XPO5: variants seen among roughly 807,000 people sequenced by gnomAD.
XPO5 encodes the protein exportin-5.
A neutral mutation model predicts 160.6 loss-of-function variants in XPO5; 46 were observed. That is an observed-to-expected ratio of 0.29 (90% CI 0.23 to 0.37). The LOEUF (loss-of-function observed/expected upper bound fraction) is 0.37, where lower values mean the gene tolerates loss of function less well. XPO5 is among the 10% of genes least tolerant of loss of function. The probability of loss-of-function intolerance (pLI) is 1.00; values close to 1 mark genes in which losing one functional copy is unlikely to be tolerated. For missense variants in XPO5, 1,090 were observed against 1,463.9 expected, an observed-to-expected ratio of 0.74 and a Z score of 4.17; for synonymous variants, 537 against 519.3, an observed-to-expected ratio of 1.03 and a Z score of -0.46.
chr6:43,546,979 T>C (rs1213099528), intron 19 of XPO5, among the ~76,000 whole-genome samples: 2 of 152,158 alleles, frequency 1.3e-5, no homozygotes, highest in Non-Finnish European at 2.9e-5. Flanking sequence ...AAACTTCCCT[T>C]GCAGTAAGCT....
At chr6:43,562,432 A>G (rs1398666077) in intron 8 of XPO5, 86 bp from the exon 9 acceptor site, 4 of 1,008,526 alleles carry the variant, frequency 4.0e-6, no homozygotes, top group Non-Finnish European at 6.0e-6. Context: ...TCTCCAAGTC[A>G]TTTAGTTAGG....
At chr6:43,539,260 G>A (rs1042317891) in intron 20 of XPO5, 128 of 1,438,736 alleles carry the variant, frequency 8.9e-5, no homozygotes, top group Middle Eastern at 8.6e-4. Flanking sequence ...GGGTGGCGGT[G>A]GCCACCTCCT....
chr6:43,560,379 A>G, intron 10 of XPO5, 76 bp from the exon 11 acceptor site: 1 of 1,467,472 alleles, frequency 6.8e-7, no homozygotes, highest in South Asian at 1.3e-5. Flanking sequence ...GCAGTTATCA[A>G]CTACATTTTT....
In XPO5 at chr6:43,525,179, A is replaced by G. The variant is rs1399563508; in HGVS notation, c.3102T>C (p.Asn1034=). The change falls in exon 29 of 32, where the codon AAT becomes AAC. Residue 1034 remains asparagine (N), a synonymous_variant. Transcript: ENST00000265351. ...VCTALLITAF[N]SLAWKDTLSC... ...ACAGAGTATCTTTCCAGGCCAGGGA[A>G]TTGAAGGCTGTAATTAATAGCGCTG... 6.3e-7 allele frequency: 1 copy of G among 1,583,918 alleles called. No homozygotes were observed. The highest frequency in any genetic ancestry group is 1.2e-5 in the South Asian group (1 of 86,614).
At chr6:43,539,219 A>G (rs1053585721) in intron 20 of XPO5, 2 of 1,190,422 alleles carry the variant, frequency 1.7e-6, no homozygotes, top group African/African-American at 3.0e-5. Context: ...CACGGGGACA[A>G]TGGAGAGCTT....
chr6:43,573,268 C>A, intron 2 of XPO5: 1 of 574,542 alleles, frequency 1.7e-6, no homozygotes, highest in Non-Finnish European at 2.9e-6. Flanking sequence ...GTAATATGTA[C>A]CACACACTTT....
At chr6:43,538,680 C>T in intron 20 of XPO5, 1 of 413,600 alleles carries the variant, frequency 2.4e-6, no homozygotes, top group Non-Finnish European at 4.2e-6. Context: ...TGATTTAGGC[C>T]TATAATTTTC....
At chr6:43,530,944 TATTTACTTAAGAG>T (rs1354830043) in intron 22 of XPO5, 120 bp from the exon 23 acceptor site, 3 of 1,299,654 alleles carry the variant, frequency 2.3e-6, no homozygotes, top group Non-Finnish European at 3.1e-6. Flanking sequence ...AGAGCAGTTG[TATTTACTTAAGAG>T]AACTTATAGA....
In XPO5 at chr6:43,525,778, A is replaced by C. The variant is rs1333490880; in HGVS notation, c.3066+61T>G. 10 of 1,551,782 alleles carry C rather than the reference A, an allele frequency of 6.4e-6. No individual in the cohort carries two copies. The Admixed American group carries it at 1.9e-4, about 29-fold the overall frequency. The stretch of plus-strand genomic sequence containing the variant: ...CTTGATAGCACCATAGAGCAAGAAA[A>C]GTAAAAGGTGACTCCCCACCTGGGC... On this transcript the variant is annotated intron_variant, in intron 28 of 31. Transcript: ENST00000265351.
At chr6:43,539,124 G>A (rs1323256345) in intron 20 of XPO5, 23 of 1,210,198 alleles carry the variant, frequency 1.9e-5, no homozygotes, top group Middle Eastern at 2.6e-4. Flanking sequence ...GGGATGAGGC[G>A]CACCAGCACA....
Position 43,548,377 on chromosome 6 carries a change from G to A in XPO5, c.1944C>T (p.Leu648=). The A allele has an allele frequency of 6.2e-7, 1 of 1,613,606 alleles. No homozygotes were observed. Residue 648 remains leucine, a synonymous_variant, in exon 18 of 32, where the codon CTC becomes CTT. Transcript: ENST00000265351. The part of the protein sequence containing the change: ...LLLTQMEKCA[L]MEALVLISNQ... ...TGCTAATGAGAACCAGGGCTTCCAT[G>A]AGGGCACACTTCTCCATTTGTGTCA...
intron 29 of XPO5, 35 bp from the exon 30 acceptor site, chr6:43,525,003 G>A (rs895373701): frequency 1.9e-6 from 3 of 1,607,164 alleles, no homozygotes; most frequent in Non-Finnish European, 2.5e-6. Context: ...GCCACAGGGG[G>A]CCTCTCTCAA....
At chr6:43,533,162 C>T (rs1031908365) in intron 21 of XPO5, among the ~76,000 whole-genome samples, 1 of 148,424 alleles carries the variant, frequency 6.7e-6, no homozygotes, top group Non-Finnish European at 1.5e-5. Context: ...AAAAAGGTAA[C>T]AATTGGGAAA....
rs1793605412 is a variant in XPO5, at chr6:43,526,568, A to G, written c.2983+117T>C. 7.7e-6 allele frequency: 9 copies of G among 1,166,690 alleles called. No homozygotes were observed. The South Asian group carries it at 8.0e-5, about 10-fold the overall frequency. 72.3% of individuals were successfully genotyped at this position (1,166,690 alleles called of 1,614,324 possible). ...CAGCAAGAGGGCTGGTCCAGAGATG[A>G]TAACTACATGTAGGGTGTCTTCTCC... On this transcript the variant is annotated intron_variant, in intron 27 of 31. Transcript: ENST00000265351.
rs111634867 is a variant in XPO5, at chr6:43,553,526, TACACACACAC to T, written c.1442-33_1442-24del. On this transcript the variant is annotated intron_variant, in intron 13 of 31. Coordinates refer to ENST00000265351, the MANE Select transcript of XPO5 (RefSeq NM_020750.3). ...AAGCTTTAAAACACACACACACACA[TACACACACAC>T]ACACACACACACAATTATCAGCATT... The T allele has an allele frequency of 9.7e-6, 14 of 1,447,422 alleles. No homozygotes were observed. The East Asian group carries it at 2.1e-4, about 22-fold the overall frequency. 89.7% of individuals were successfully genotyped at this position (1,447,422 alleles called of 1,614,324 possible).
chr6:43,567,059 A>G, intron 7 of XPO5, 110 bp downstream of exon 7: 1 of 1,230,304 alleles, frequency 8.1e-7, no homozygotes, highest in Non-Finnish European at 1.1e-6. Context: ...AGTTGGCCCC[A>G]AGGAAAAAAA....
chr6:43,524,923 T>C lies in XPO5; in HGVS notation c.3220A>G (p.Thr1074Ala), dbSNP rs1793464381. The change falls in exon 30 of 32, where the codon ACC becomes GCC. Residue 1074 changes from threonine (T) to alanine (A), a missense_variant. Thr to Ala is a moderately conservative substitution (Grantham distance 58, BLOSUM62 0). This residue lies in a region of XPO5 where 810 missense variants were observed against 1,139.0 expected (regional missense o/e 0.71). Transcript: ENST00000265351. Reference sequence around the variant, plus strand: ...ATCTGTAAGCCTTTCAGCACACTGGTGAAAAGCCACGTAACTGCATCTGCG... The same window carrying C: ...ATCTGTAAGCCTTTCAGCACACTGGCGAAAAGCCACGTAACTGCATCTGCG... ...LLADAVTWLFTSVLKGLQMHG... is the reference protein window; with the variant it reads ...LLADAVTWLFASVLKGLQMHG... 6.2e-7 allele frequency: 1 copy of C among 1,613,862 alleles called. No individual in the cohort carries two copies. The highest frequency in any genetic ancestry group is 8.5e-7 in the Non-Finnish European group (1 of 1,179,892).
At chr6:43,537,490 C>T (rs1303069796) in intron 20 of XPO5, among the ~76,000 whole-genome samples, 6 of 152,286 alleles carry the variant, frequency 3.9e-5, no homozygotes, top group Non-Finnish European at 1.5e-5. Flanking sequence ...CTGTCCTCGA[C>T]AACTCAACTC....
Position 43,560,203 on chromosome 6 carries a change from C to T in XPO5, c.1196G>A (p.Arg399His), listed in dbSNP as rs1413063117. 1.6e-5 allele frequency: 26 copies of T among 1,612,074 alleles called. No individual in the cohort carries two copies. The Admixed American group carries it at 2.3e-4, about 15-fold the overall frequency. The change falls in exon 11 of 32, where the codon CGT (arginine) becomes CAT (histidine). Residue 399 changes from arginine to histidine, a missense_variant. By Grantham distance (29) the Arg-to-His change is conservative (BLOSUM62 0). Coordinates refer to ENST00000265351, the MANE Select transcript of XPO5 (RefSeq NM_020750.3). ...CTTGACCAAGTTAGTCATGGAAGCA[C>T]GAAGATATTTTGGTATTATTGCTAA... ...LLLAIIPKYL[R>H]ASMTNLVKMG...
Sources: gnomAD v4.1 joint callset for allele counts (sites outside exome capture counted in the v4.1 genomes callset) on GRCh38, gnomAD v4.1.1 for gene constraint, gnomAD v4.1.1 regional missense constraint, MANE v1.5 for transcripts, NCBI Gene and HGNC (gene_info 2026-07-23, HGNC 2026-07-21) for gene names.